COL12A1: variants seen among roughly 807,000 people sequenced by gnomAD.
COL12A1 encodes the protein collagen alpha-1(XII) chain.
In COL12A1, 114 loss-of-function variants were observed where a neutral mutation model predicts 349.7. That is an observed-to-expected ratio of 0.33 (90% confidence interval 0.28 to 0.38). COL12A1 has a LOEUF of 0.38. Among genes scored for constraint, COL12A1 ranks in the 10% least tolerant of loss-of-function variants. The pLI, the probability that COL12A1 is intolerant of heterozygous loss-of-function variation, is 1.00. For synonymous variants in COL12A1, 1,369 were observed against 1,329.0 expected (o/e 1.03, Z -0.66); for missense variants, 3,284 against 3,756.9 (o/e 0.87, Z 3.29).
At chr6:75,122,392 G>C (rs1765787678) in intron 43 of COL12A1, among the ~76,000 whole-genome samples, 1 of 152,130 alleles carries the variant, frequency 6.6e-6, no homozygotes, top group Non-Finnish European at 1.5e-5. Context: ...TCAGATGTGG[G>C]ATGTTAATAG....
rs1323169221 is a variant in COL12A1, at chr6:75,116,002, A to G, written c.7558+17T>C. 1.9e-6 allele frequency: 3 copies of G among 1,613,372 alleles called. No homozygotes were observed. The highest frequency in any genetic ancestry group is 2.5e-6 in the Non-Finnish European group (3 of 1,179,578). On this transcript the variant is annotated intron_variant, in intron 48 of 65. Coordinates refer to ENST00000322507, the MANE Select transcript of COL12A1 (RefSeq NM_004370.6). ...TTAAATCTGGAAATTAATTTGCCCCAAAGTATAAATGCTTACCTGGTGAGG... is the reference window on the plus strand; with the variant it reads ...TTAAATCTGGAAATTAATTTGCCCCGAAGTATAAATGCTTACCTGGTGAGG...
chr6:75,109,458 T>C (rs1033282403), intron 51 of COL12A1, among the ~76,000 whole-genome samples: 15 of 152,236 alleles, frequency 9.9e-5, no homozygotes, highest in Admixed American at 3.9e-4. Context: ...AGAGAGGATA[T>C]AGTAGATGAA....
Position 75,188,451 on chromosome 6 carries a change from T to C in COL12A1, c.908A>G (p.Asp303Gly). The change falls in exon 8 of 66, where the codon GAT becomes GGT. Residue 303 changes from aspartate (D) to glycine (G), a missense_variant. Transcript: ENST00000322507. ...LNHVFNVANF[D>G]AIVDIQNEII... Reference sequence around the variant, plus strand: ...CTCATTCTGAATATCCACAATTGCATCAAAGTTGGCCACATTGAAAACATG... The same window carrying C: ...CTCATTCTGAATATCCACAATTGCACCAAAGTTGGCCACATTGAAAACATG... The C allele has an allele frequency of 6.2e-7, 1 of 1,613,598 alleles. No individual in the cohort carries two copies. The highest frequency in any genetic ancestry group is 8.5e-7 in the Non-Finnish European group (1 of 1,179,656).
At chr6:75,191,558 T>A in intron 5 of COL12A1, 143 bp downstream of exon 5, 1 of 445,820 alleles carries the variant, frequency 2.2e-6, no homozygotes, top group African/African-American at 2.0e-5. Context: ...ATTATTCTTA[T>A]ATTGTCTGTG....
At chr6:75,088,843 TA>T (rs1159667774) in intron 64 of COL12A1, among the ~76,000 whole-genome samples, 1 of 150,952 alleles carries the variant, frequency 6.6e-6, no homozygotes, top group African/African-American at 2.4e-5. Flanking sequence ...TACTAAAAAT[TA>T]AAAAAAATTA....
intron 36 of COL12A1, 137 bp from the exon 37 acceptor site, chr6:75,130,370 G>T: frequency 1.1e-6 from 1 of 898,028 alleles, no homozygotes. Flanking sequence ...ATACATTTAT[G>T]GTTTTAATGT....
chr6:75,176,037 A>G (rs917809306), intron 12 of COL12A1, among the ~76,000 whole-genome samples: 1 of 152,202 alleles, frequency 6.6e-6, no homozygotes, highest in Admixed American at 6.5e-5. Flanking sequence ...ATTGGGTCAC[A>G]TTATGGTACC....
Position 75,151,924 on chromosome 6 carries a change from C to T in COL12A1, c.3943G>A (p.Asp1315Asn), listed in dbSNP as rs185615367. ...VLITDGKSQD[D>N]VEAPSKKLKD... The stretch of plus-strand genomic sequence containing the variant: ...AGTTTCTTTGAAGGTGCTTCAACAT[C>T]GTCTTGTGATTTTCCATCAGTAATG... The change falls in exon 20 of 66, where the codon GAT (aspartate) becomes AAT (asparagine). Residue 1315 changes from aspartate (D) to asparagine (N), a missense_variant. Physicochemically the swap from Asp to Asn is conservative, Grantham distance 23 (BLOSUM62 1). Transcript: ENST00000322507. 3.6e-5 allele frequency: 58 copies of T among 1,613,846 alleles called. No individual in the cohort carries two copies. The African/African-American group carries it at 5.1e-4, about 14-fold the overall frequency.
chr6:75,105,362 C>A (rs1768500158), intron 53 of COL12A1, 70 bp from the exon 54 acceptor site: 2 of 1,013,796 alleles, frequency 2.0e-6, no homozygotes, highest in Non-Finnish European at 3.0e-6. Context: ...CCCACCCCCA[C>A]TTACATGCAC....
At chr6:75,111,513 C>T (rs1183623705) in intron 51 of COL12A1, among the ~76,000 whole-genome samples, 1 of 151,782 alleles carries the variant, frequency 6.6e-6, no homozygotes, top group Admixed American at 6.6e-5. Flanking sequence ...ATAACAGTTA[C>T]CAAATGGTTA....
chr6:75,192,183 C>A lies in COL12A1; in HGVS notation c.334+29G>T, dbSNP rs753694156. 20 of 1,420,068 alleles carry A rather than the reference C, an allele frequency of 1.4e-5. No homozygotes were observed. The African/African-American group carries it at 1.7e-4, about 12-fold the overall frequency. 88.0% of individuals were successfully genotyped at this position (1,420,068 alleles called of 1,614,324 possible). A position where few individuals can be genotyped will look rare whatever the true frequency, so the allele number is the denominator to read the frequency against. ...AACCTTCTGCAAAATAAAAATTATA[C>A]AAATATTTTATTTTATATGTGTGCT... On this transcript the variant is annotated intron_variant, in intron 4 of 65. Transcript: ENST00000322507.
chr6:75,108,324 G>C (rs962179519), intron 52 of COL12A1, among the ~76,000 whole-genome samples: 5 of 151,990 alleles, frequency 3.3e-5, no homozygotes, highest in Admixed American at 6.6e-5. Context: ...CTGGCCTTAA[G>C]TAATTCTCCT....
Position 75,152,172 on chromosome 6 carries a change from G to C in COL12A1, c.3794C>G (p.Ala1265Gly), listed in dbSNP as rs1767527383. 1 of 1,613,850 alleles carries C rather than the reference G, an allele frequency of 6.2e-7. No individual in the cohort carries two copies. The highest frequency in any genetic ancestry group is 8.5e-7 in the Non-Finnish European group (1 of 1,179,840). ...TCCTTTGTACGGCAAGTTTGCCACA[G>C]CTTGCAACAAGCTCTTCTTGTCTCT... ...AHRDKKSLLQAVANLPYKGGN... is the reference protein window; with the variant it reads ...AHRDKKSLLQGVANLPYKGGN... The change falls in exon 19 of 66, where the codon GCT becomes GGT. Residue 1265 changes from alanine to glycine, a missense_variant. This residue lies in a region of COL12A1 where 2,601 missense variants were observed against 2,824.8 expected (regional missense o/e 0.92). Coordinates refer to ENST00000322507, the MANE Select transcript of COL12A1 (RefSeq NM_004370.6).
intron 3 of COL12A1, among the ~76,000 whole-genome samples, chr6:75,192,631 C>A (rs551229478): frequency 1.3e-5 from 2 of 151,962 alleles, no homozygotes; most frequent in Admixed American, 6.6e-5. Flanking sequence ...ACCAGAATAT[C>A]GAACTAAAAA....
chr6:75,193,107 C>G (rs1651419287), intron 3 of COL12A1, among the ~76,000 whole-genome samples: 1 of 152,060 alleles, frequency 6.6e-6, no homozygotes, highest in South Asian at 2.1e-4. Context: ...CAACAGACCA[C>G]TGAAAAATGC....
At chr6:75,092,631 C>G (rs1322494585) in intron 60 of COL12A1, among the ~76,000 whole-genome samples, 1 of 152,108 alleles carries the variant, frequency 6.6e-6, no homozygotes, top group Non-Finnish European at 1.5e-5. Flanking sequence ...AACCAAGACT[C>G]TTGCCTGAAA....
At chr6:75,107,869 G>A (rs1310554472) in intron 52 of COL12A1, among the ~76,000 whole-genome samples, 1 of 152,058 alleles carries the variant, frequency 6.6e-6, no homozygotes, top group Non-Finnish European at 1.5e-5. Flanking sequence ...TTCAACAGAA[G>A]GTTTGGATTT....
At position 75,165,405 on chromosome 6, in the gene COL12A1, T is replaced by C. The variant is rs566383928; in HGVS notation, c.2983+102A>G. 166 of 1,430,034 alleles carry C rather than the reference T, an allele frequency of 1.2e-4. 1 individual carries two copies. The South Asian group carries it at 1.8e-3, about 15-fold the overall frequency. 88.6% of individuals were successfully genotyped at this position (1,430,034 alleles called of 1,614,324 possible). On this transcript the variant is annotated intron_variant, in intron 14 of 65. Coordinates refer to ENST00000322507, the MANE Select transcript of COL12A1 (RefSeq NM_004370.6). ...CTAATTCCTCAGTCTTCATTTATCA[T>C]GTAAAGAAAAAACATTCAAGTGATT...
intron 65 of COL12A1, chr6:75,087,295 C>A: frequency 5.1e-6 from 2 of 394,650 alleles, no homozygotes; most frequent in Admixed American, 4.3e-5. Context: ...AAAAAAAAGT[C>A]AATTACTAGC....
Sources: allele counts gnomAD v4.1 joint callset (sites outside exome capture counted in the v4.1 genomes callset), GRCh38; gene constraint gnomAD v4.1.1; regional missense constraint gnomAD v4.1.1; transcripts MANE v1.5; gene names NCBI Gene and HGNC (gene_info 2026-07-23, HGNC 2026-07-21).